Variants in DRAM2 observed in about 807,000 individuals in gnomAD.
DRAM2 encodes the protein DNA damage regulated autophagy modulator 2.
Under a neutral mutation model 33.5 loss-of-function variants are expected in DRAM2, and 26 were observed. The observed-to-expected ratio is 0.78, with a 90% CI of 0.57 to 1.08. DRAM2 has a LOEUF of 1.08. DRAM2 is among the 50% of genes least tolerant of loss of function. The probability of loss-of-function intolerance (pLI) is 0.00; values close to 1 mark genes in which losing one functional copy is unlikely to be tolerated. For synonymous variants in DRAM2, 98 were observed against 109.5 expected, an observed-to-expected ratio of 0.89 and a Z score of 0.66; for missense variants, 311 against 318.1, an observed-to-expected ratio of 0.98 and a Z score of 0.17.
intron 8 of DRAM2, 133 bp from the exon 9 acceptor site, chr1:111,119,030 CATATAAT>C (rs1649467165): frequency 2.0e-6 from 1 of 512,130 alleles, no homozygotes; most frequent in Non-Finnish European, 3.3e-6. Flanking sequence ...ACTTACCAGG[CATATAAT>C]ATCTCTAGAA....
At chr1:111,139,957 A>AT in intron 1 of DRAM2, 81 bp downstream of exon 1, 1 of 152,524 alleles carries the variant, frequency 6.6e-6, no homozygotes, top group African/African-American at 2.4e-5. Context: ...GAGCTGCCAG[A>AT]TCCCACCCTC....
intron 8 of DRAM2, among the ~76,000 whole-genome samples, chr1:111,119,136 T>C (rs1473152150): frequency 6.6e-6 from 1 of 151,912 alleles, no homozygotes; most frequent in Non-Finnish European, 1.5e-5. Context: ...ATAGCTAAGA[T>C]AGAACAGGAT....
intron 4 of DRAM2, among the ~76,000 whole-genome samples, chr1:111,127,114 A>AT (rs1175619936): frequency 6.6e-6 from 1 of 152,202 alleles, no homozygotes; most frequent in Non-Finnish European, 1.5e-5. Flanking sequence ...CCAGCTCATC[A>AT]TATCACTGTA....
At chr1:111,120,381 C>CAAAAAAAAAAAAAAAA (rs200318036) in intron 7 of DRAM2, 135 bp downstream of exon 7, 14 of 169,132 alleles carry the variant, frequency 8.3e-5, no homozygotes, top group Admixed American at 2.6e-4. Context: ...ATCTCTCCTA[C>CAAAAAAAAAAAAAAAA]AAAAAAAAAA....
chr1:111,123,883 T>G (rs1338561977), intron 6 of DRAM2, among the ~76,000 whole-genome samples: 1 of 152,194 alleles, frequency 6.6e-6, no homozygotes, highest in South Asian at 2.1e-4. Flanking sequence ...TTCCATCATG[T>G]GTAAGCTTCT....
intron 4 of DRAM2, 120 bp from the exon 5 acceptor site, chr1:111,126,414 T>TTCAA: frequency 1.7e-6 from 1 of 598,994 alleles, no homozygotes; most frequent in Non-Finnish European, 3.1e-6. Flanking sequence ...AATCCATGAG[T>TTCAA]TCAACTCATA....
At chr1:111,131,184 C>G (rs1448879585) in intron 4 of DRAM2, among the ~76,000 whole-genome samples, 3 of 152,036 alleles carry the variant, frequency 2.0e-5, no homozygotes, top group Admixed American at 6.5e-5. Flanking sequence ...ACTTAGAAAA[C>G]AAGGCACTAA....
chr1:111,120,071 T>G lies in DRAM2; in HGVS notation c.518-112A>C, dbSNP rs1431745371. ...TTTATTGCTAAGGTCTAAACCCATT[T>G]TCTTAAAGACTTAATGTTACACAGC... On this transcript the variant is annotated intron_variant, in intron 7 of 9. Coordinates refer to ENST00000484310, the MANE Select transcript of DRAM2 (RefSeq NM_001349884.2). The G allele has an allele frequency of 3.0e-5, 27 of 909,246 alleles. 1 individual carries two copies. Among genetic ancestry groups the G allele is most frequent in the Middle Eastern group, 2.2e-4 (1 of 4,606 alleles). The allele number at this position is 909,246 out of a possible 1,614,324, so 56.3% of individuals were successfully genotyped here.
Position 111,119,960 on chromosome 1 carries a change from C to T in DRAM2, c.518-1G>A, listed in dbSNP as rs1348263457. 9 of 1,611,692 alleles carry T rather than the reference C, an allele frequency of 5.6e-6. No homozygotes were observed. The highest frequency in any genetic ancestry group is 1.3e-5 in the African/African-American group (1 of 74,792). The stretch of plus-strand genomic sequence containing the variant: ...TGCAAAACTGATGAGCAAGTCAGCA[C>T]TATAAAAACATAAGTCAAGGAAGAA... On this transcript the variant is annotated splice_acceptor_variant, in intron 7 of 9. Transcript: ENST00000484310. LOFTEE classifies it high-confidence loss of function.
chr1:111,132,571 T>C (rs186163962), intron 3 of DRAM2, among the ~76,000 whole-genome samples: 70 of 152,260 alleles, frequency 4.6e-4, no homozygotes, highest in African/African-American at 1.5e-3. Flanking sequence ...GGATATCCAA[T>C]TGGTGTCAGC....
intron 6 of DRAM2, among the ~76,000 whole-genome samples, chr1:111,122,053 G>A (rs1185173439): frequency 2.0e-5 from 3 of 152,072 alleles, no homozygotes; most frequent in African/African-American, 4.8e-5. Flanking sequence ...GGGGGACAAT[G>A]CAAAATTAGG....
At position 111,118,021 on chromosome 1, in the gene DRAM2, C is replaced by T; in HGVS notation, c.*139G>A. The T allele has an allele frequency of 1.4e-6, 1 of 732,986 alleles. No individual in the cohort carries two copies. The highest frequency in any genetic ancestry group is 2.7e-5 in the East Asian group (1 of 37,534). 45.4% of individuals were successfully genotyped at this position (732,986 alleles called of 1,614,324 possible). On this transcript the variant is annotated 3_prime_UTR_variant, in exon 10 of 10. Coordinates refer to ENST00000484310, the MANE Select transcript of DRAM2 (RefSeq NM_001349884.2). Reference sequence around the variant, plus strand: ...CTATCAAATGGCTTCTTTCATGTTTCCTGATTATCAGCATTCATCAGTGTT... The same window carrying T: ...CTATCAAATGGCTTCTTTCATGTTTTCTGATTATCAGCATTCATCAGTGTT...
At position 111,124,738 on chromosome 1, in the gene DRAM2, A is replaced by C; in HGVS notation, c.339+4T>G. On this transcript the variant is annotated splice_donor_region_variant and intron_variant, in intron 6 of 9. Transcript: ENST00000484310. The stretch of plus-strand genomic sequence containing the variant: ...AAATACCTATGCTGGGCTAAAACAC[A>C]AACCTGGAAGTTTGCCACAATAGAA... The C allele has an allele frequency of 6.2e-7, 1 of 1,613,210 alleles. No homozygotes were observed. Among genetic ancestry groups the C allele is most frequent in the Non-Finnish European group, 8.5e-7 (1 of 1,179,538 alleles).
chr1:111,119,762 C>A (rs1267784958), intron 8 of DRAM2, 115 bp downstream of exon 8: 1 of 845,146 alleles, frequency 1.2e-6, no homozygotes, highest in African/African-American at 1.7e-5. Flanking sequence ...TAATACAGAA[C>A]TGATTATTCT....
At chr1:111,133,675 G>A (rs1652591644) in intron 3 of DRAM2, among the ~76,000 whole-genome samples, 1 of 152,164 alleles carries the variant, frequency 6.6e-6, no homozygotes, top group Non-Finnish European at 1.5e-5. Context: ...ATTGCCCAAG[G>A]TCATAGAGCT....
chr1:111,129,036 T>A (rs1651570506), intron 4 of DRAM2, among the ~76,000 whole-genome samples: 1 of 152,212 alleles, frequency 6.6e-6, no homozygotes, highest in Non-Finnish European at 1.5e-5. Flanking sequence ...GTTCTGTAAA[T>A]CTTCCCAAAC....
Position 111,118,101 on chromosome 1 carries a change from G to T in DRAM2, c.*59C>A. 1 of 1,535,450 alleles carries T rather than the reference G, an allele frequency of 6.5e-7. No individual in the cohort carries two copies. The highest frequency in any genetic ancestry group is 9.0e-7 in the Non-Finnish European group (1 of 1,109,876). On this transcript the variant is annotated 3_prime_UTR_variant, in exon 10 of 10. Coordinates refer to ENST00000484310, the MANE Select transcript of DRAM2 (RefSeq NM_001349884.2). The stretch of plus-strand genomic sequence containing the variant: ...TTTCAGAGAAGAATAAGCAACTTCT[G>T]TGAACCTTTCCCCAATCCCTGAGAA...
At chr1:111,137,338 A>T (rs1653445905) in intron 3 of DRAM2, among the ~76,000 whole-genome samples, 185 bp downstream of exon 3, 1 of 152,054 alleles carries the variant, frequency 6.6e-6, no homozygotes, top group African/African-American at 2.4e-5. Context: ...GCTTATACTG[A>T]TAGCACAAGC....
intron 6 of DRAM2, 64 bp downstream of exon 6, chr1:111,124,678 T>C: frequency 6.5e-7 from 1 of 1,541,266 alleles, no homozygotes; most frequent in South Asian, 1.2e-5. Context: ...TGCTTCAGGT[T>C]TCCCTTTTAA....
Sources: gnomAD v4.1 joint callset for allele counts (sites outside exome capture counted in the v4.1 genomes callset) on GRCh38, gnomAD v4.1.1 for gene constraint, MANE v1.5 for transcripts, NCBI Gene and HGNC (gene_info 2026-07-23, HGNC 2026-07-21) for gene names.